TMEM108: variants seen among roughly 807,000 people sequenced by gnomAD.
TMEM108 encodes the protein cancer/testis antigen 124.
TMEM108 carries 12 observed loss-of-function variants against 35.1 expected under a neutral mutation model. That is an observed-to-expected ratio of 0.34 (90% CI 0.22 to 0.55). The LOEUF (loss-of-function observed/expected upper bound fraction) is 0.55, where lower values mean the gene tolerates loss of function less well. Ranked by LOEUF, TMEM108 falls within the 20% of genes least tolerant of loss-of-function variation. The pLI is 0.89. For missense variants in TMEM108, 680 were observed against 753.3 expected (o/e 0.90, Z 1.14); for synonymous variants, 287 against 308.6 (o/e 0.93, Z 0.73).
At chr3:133,120,384 G>T (rs1036886702) in intron 2 of TMEM108, among the ~76,000 whole-genome samples, 1 of 152,206 alleles carries the variant, frequency 6.6e-6, no homozygotes, top group African/African-American at 2.4e-5. Context: ...GGAAGTGTGT[G>T]TGCCTCTGTA....
At position 133,397,697 on chromosome 3, in the gene TMEM108, A is replaced by T. The variant is rs1411271597; in HGVS notation, c.*1711A>T. 2.0e-5 allele frequency: 3 copies of T among 152,146 alleles called. No individual in the cohort carries two copies. Among genetic ancestry groups the T allele is most frequent in the Admixed American group, 6.5e-5 (1 of 15,276 alleles). 9.4% of individuals were successfully genotyped at this position (152,146 alleles called of 1,614,324 possible). ...ACATATGTTATATATACATATGTGG[A>T]TGTATGACTTATTTTTCCTTATCCA... On this transcript the variant is annotated 3_prime_UTR_variant, in exon 6 of 6. Transcript: ENST00000321871.
At chr3:133,229,704 T>G (rs1044697410) in intron 3 of TMEM108, among the ~76,000 whole-genome samples, 6 of 152,244 alleles carry the variant, frequency 3.9e-5, no homozygotes, top group African/African-American at 1.4e-4. Flanking sequence ...GCCTTTAGTT[T>G]AGTATTCTTC....
At chr3:133,388,432 C>G in intron 4 of TMEM108, 1 of 985,410 alleles carries the variant, frequency 1.0e-6, no homozygotes, top group Non-Finnish European at 1.2e-6. Context: ...GCACCACAGC[C>G]CCCTCCTTGC....
chr3:133,212,064 G>A (rs1945841297), intron 2 of TMEM108, among the ~76,000 whole-genome samples: 1 of 152,138 alleles, frequency 6.6e-6, no homozygotes, highest in Admixed American at 6.6e-5. Flanking sequence ...CTTGCAGAAT[G>A]CAGGGAGGGA....
chr3:133,102,118 G>A lies in TMEM108; in HGVS notation c.-47+56098G>A, dbSNP rs556027052. ...AGCACAACTCGCACAAACATATTGAGAACCAGTATAAATAACCTTTGGCAC... is the reference window on the plus strand; with the variant it reads ...AGCACAACTCGCACAAACATATTGAAAACCAGTATAAATAACCTTTGGCAC... On this transcript the variant is annotated intron_variant, in intron 2 of 5. Coordinates refer to ENST00000321871, the MANE Select transcript of TMEM108 (RefSeq NM_023943.4). Among the ~76,000 whole-genome samples, 300 of 152,302 alleles carry A rather than the reference G, an allele frequency of 2.0e-3. 4 individuals are homozygous for A. The South Asian group carries it at 0.03, about 15-fold the overall frequency.
intron 2 of TMEM108, among the ~76,000 whole-genome samples, chr3:133,073,510 C>CTCTCTCTCTATATATATATATA: frequency 4.3e-4 from 19 of 43,898 alleles, no homozygotes; most frequent in African/African-American, 1.2e-3. Context: ...CTCTCTCTCT[C>CTCTCTCTCTATATATATATATA]TATATATATA....
At chr3:133,314,104 G>A (rs2071167830) in intron 3 of TMEM108, among the ~76,000 whole-genome samples, 1 of 152,082 alleles carries the variant, frequency 6.6e-6, no homozygotes, top group Non-Finnish European at 1.5e-5. Context: ...AATGGATGGA[G>A]CTGTGTTCCT....
At chr3:133,273,298 A>G (rs1418465604) in intron 3 of TMEM108, among the ~76,000 whole-genome samples, 1 of 152,200 alleles carries the variant, frequency 6.6e-6, no homozygotes, top group Non-Finnish European at 1.5e-5. Flanking sequence ...AATGGAATGA[A>G]GAGTAAATGT....
chr3:133,183,887 G>C (rs1187721842), intron 2 of TMEM108, among the ~76,000 whole-genome samples: 2 of 152,176 alleles, frequency 1.3e-5, no homozygotes, highest in African/African-American at 2.4e-5. Flanking sequence ...AGCTGAACCA[G>C]CAAACGGGAG....
intron 3 of TMEM108, among the ~76,000 whole-genome samples, chr3:133,250,303 GAAGA>G (rs1946449880): frequency 6.6e-6 from 1 of 152,154 alleles, no homozygotes; most frequent in African/African-American, 2.4e-5. Context: ...AAGCCAGTGT[GAAGA>G]CAACAAGGAT....
intron 2 of TMEM108, among the ~76,000 whole-genome samples, chr3:133,173,645 A>G (rs905448182): frequency 5.3e-5 from 8 of 152,162 alleles, no homozygotes; most frequent in African/African-American, 1.9e-4. Flanking sequence ...ACATATGCAA[A>G]ATGGTCTCCA....
intron 3 of TMEM108, among the ~76,000 whole-genome samples, chr3:133,266,035 A>G (rs1384756085): frequency 6.6e-6 from 1 of 151,680 alleles, no homozygotes; most frequent in East Asian, 1.9e-4. Flanking sequence ...CCTTGCAAAT[A>G]TTGATAATAG....
At chr3:133,240,426 G>A (rs10446320) in intron 3 of TMEM108, among the ~76,000 whole-genome samples, 48,446 of 152,008 alleles carry the variant, frequency 0.32, 8,525 homozygotes, top group East Asian at 0.47. Context: ...CATTCTCATT[G>A]TAAACAATGC....
chr3:133,250,608 T>C (rs1005163276), intron 3 of TMEM108, among the ~76,000 whole-genome samples: 1 of 152,348 alleles, frequency 6.6e-6, no homozygotes, highest in Non-Finnish European at 1.5e-5. Context: ...GTCAACTCTA[T>C]TCTTGATGTT....
At chr3:133,296,735 G>T (rs946864884) in intron 3 of TMEM108, among the ~76,000 whole-genome samples, 1 of 152,152 alleles carries the variant, frequency 6.6e-6, no homozygotes, top group African/African-American at 2.4e-5. Flanking sequence ...GGACAGTGGG[G>T]CTGAGAGCTG....
At chr3:133,329,627 A>G (rs566843854) in intron 3 of TMEM108, among the ~76,000 whole-genome samples, 2 of 152,296 alleles carry the variant, frequency 1.3e-5, no homozygotes, top group East Asian at 3.9e-4. Context: ...GATTTTACTT[A>G]TCCTTTCCTT....
chr3:133,312,733 A>G (rs550539539), intron 3 of TMEM108, among the ~76,000 whole-genome samples: 107 of 152,320 alleles, frequency 7.0e-4, no homozygotes, highest in African/African-American at 2.4e-3. Flanking sequence ...TGTGGGCTGC[A>G]TCCACTGTCC....
At chr3:133,293,714 T>C (rs1350927686) in intron 3 of TMEM108, among the ~76,000 whole-genome samples, 2 of 152,144 alleles carry the variant, frequency 1.3e-5, no homozygotes, top group Non-Finnish European at 1.5e-5. Flanking sequence ...ATTTTCTTTT[T>C]CTCCACTTAC....
At chr3:133,249,504 T>A (rs913854227) in intron 3 of TMEM108, among the ~76,000 whole-genome samples, 2 of 152,216 alleles carry the variant, frequency 1.3e-5, no homozygotes, top group Admixed American at 6.5e-5. Flanking sequence ...TGTTGCCATC[T>A]TTATGTCCAT....
Sources: allele counts gnomAD v4.1 joint callset (sites outside exome capture counted in the v4.1 genomes callset), GRCh38; gene constraint gnomAD v4.1.1; transcripts MANE v1.5; gene names NCBI Gene and HGNC (gene_info 2026-07-23, HGNC 2026-07-21).